The following MSANTD2 variants were observed in gnomAD, a reference collection of about 807,000 sequenced individuals.
MSANTD2 encodes Myb/SANT DNA binding domain containing 2.
MSANTD2 carries 19 observed loss-of-function variants against 52.6 expected under a neutral mutation model. The observed-to-expected ratio is 0.36, with a 90% confidence interval of 0.25 to 0.53. The LOEUF (loss-of-function observed/expected upper bound fraction) is 0.53, where lower values mean the gene tolerates loss of function less well. Ranked by LOEUF, MSANTD2 falls within the 20% of genes least tolerant of loss-of-function variation. The probability of loss-of-function intolerance (pLI) is 0.91; values close to 1 mark genes in which losing one functional copy is unlikely to be tolerated. For synonymous variants in MSANTD2, 291 were observed against 289.7 expected, an observed-to-expected ratio of 1.00 and a Z score of -0.04; for missense variants, 558 against 716.3, an observed-to-expected ratio of 0.78 and a Z score of 2.52.
intron 1 of MSANTD2, among the ~76,000 whole-genome samples, chr11:124,786,076 T>C (rs1414249354): frequency 6.6e-6 from 1 of 150,660 alleles, no homozygotes; most frequent in Non-Finnish European, 1.5e-5. Flanking sequence ...TTACTGCTAT[T>C]TGCCCTGCAT....
At chr11:124,795,901 T>C (rs779874627) in intron 1 of MSANTD2, among the ~76,000 whole-genome samples, 12 of 152,186 alleles carry the variant, frequency 7.9e-5, no homozygotes, top group Admixed American at 1.3e-4. Context: ...AATTTTCTTC[T>C]GGCAAACAAA....
chr11:124,780,911 G>A (rs546241463), intron 1 of MSANTD2, among the ~76,000 whole-genome samples: 8 of 152,306 alleles, frequency 5.3e-5, no homozygotes, highest in South Asian at 2.1e-4. Flanking sequence ...GGCCGGGTGC[G>A]GTGGCTCATG....
intron 1 of MSANTD2, among the ~76,000 whole-genome samples, chr11:124,796,023 A>G (rs1055400351): frequency 2.6e-5 from 4 of 152,248 alleles, no homozygotes; most frequent in Non-Finnish European, 5.9e-5. Flanking sequence ...AGACATCAAA[A>G]TCAAACTTTG....
rs1029760332 is a variant in MSANTD2 at position 124,800,135 on chromosome 11, G to C, written c.246C>G (p.Phe82Leu). The C allele has an allele frequency of 4.0e-6, 6 of 1,481,644 alleles. No homozygotes were observed. The African/African-American group carries it at 7.4e-5, about 18-fold the overall frequency. 91.8% of individuals were successfully genotyped at this position (1,481,644 alleles called of 1,614,324 possible). Residue 82 changes from phenylalanine (F) to leucine (L), a missense_variant, in exon 1 of 4, where the codon TTC becomes TTG. Phe to Leu is a conservative substitution (Grantham distance 22). This residue lies in a region of MSANTD2 where 150 missense variants were observed against 142.7 expected (regional missense o/e 1.05). Transcript: ENST00000374979. The surrounding 1 kb of genome is among the most constrained non-coding windows in gnomAD (Gnocchi z 4.3). Reference protein sequence around the residue: ...GRSAASSSVSFSPGGGGGGAA... With the variant: ...GRSAASSSVSLSPGGGGGGAA... ...CCCCGCCACCGCCGCCACCAGGGGAGAAGGAGACCGAGGACGAGGCGGCGC... is the reference window on the plus strand; with the variant it reads ...CCCCGCCACCGCCGCCACCAGGGGACAAGGAGACCGAGGACGAGGCGGCGC...
intron 1 of MSANTD2, among the ~76,000 whole-genome samples, chr11:124,794,403 A>G (rs1945427742): frequency 1.3e-5 from 2 of 152,356 alleles, no homozygotes; most frequent in Non-Finnish European, 2.9e-5. Context: ...ATACACATCA[A>G]GCATCTGTCA....
At chr11:124,770,448 C>G (rs1284929610) in intron 3 of MSANTD2, among the ~76,000 whole-genome samples, 1 of 151,950 alleles carries the variant, frequency 6.6e-6, no homozygotes, top group Non-Finnish European at 1.5e-5. Flanking sequence ...CAGGCATATG[C>G]CACTATACCC....
chr11:124,788,081 CAA>C (rs113281012), intron 1 of MSANTD2, among the ~76,000 whole-genome samples: 61 of 107,478 alleles, frequency 5.7e-4, no homozygotes, highest in African/African-American at 1.0e-3. Flanking sequence ...GACCCTGTCT[CAA>C]AAAAAAAAAA....
At chr11:124,775,846 C>A (rs963535612) in intron 1 of MSANTD2, 2 of 152,182 alleles carry the variant, frequency 1.3e-5, no homozygotes, top group African/African-American at 4.8e-5. Context: ...TTCTCTTGTA[C>A]AACCCTTCCA....
At chr11:124,768,074 C>G (rs761247960) in intron 3 of MSANTD2, 46 bp from the exon 4 acceptor site, 17 of 1,541,466 alleles carry the variant, frequency 1.1e-5, no homozygotes, top group Non-Finnish European at 1.4e-5. Flanking sequence ...TCTAGAACAG[C>G]GGTGTCAGAT....
chr11:124,786,443 AGT>A (rs1945165334), intron 1 of MSANTD2, among the ~76,000 whole-genome samples: 1 of 152,242 alleles, frequency 6.6e-6, no homozygotes, highest in Middle Eastern at 3.2e-3. Flanking sequence ...GGCATAAGGT[AGT>A]GAACATTCCA....
At chr11:124,777,608 C>T (rs2135243395) in intron 1 of MSANTD2, among the ~76,000 whole-genome samples, 1 of 152,302 alleles carries the variant, frequency 6.6e-6, no homozygotes, top group East Asian at 1.9e-4. Flanking sequence ...ACACATTTTA[C>T]AATTTATCAA....
At chr11:124,791,915 A>G in intron 1 of MSANTD2, 1 of 345,002 alleles carries the variant, frequency 2.9e-6, no homozygotes, top group South Asian at 2.5e-5. Context: ...AGTATATTAC[A>G]TGTAGTTCAG....
intron 1 of MSANTD2, chr11:124,783,771 A>T: frequency 1.0e-6 from 1 of 985,354 alleles, no homozygotes; most frequent in Non-Finnish European, 1.2e-6. Flanking sequence ...TCAGATTACT[A>T]AGAAAAAAAC....
At chr11:124,790,758 CTT>C (rs2135266177) in intron 1 of MSANTD2, 1 of 157,594 alleles carries the variant, frequency 6.3e-6, no homozygotes, top group African/African-American at 2.4e-5. Flanking sequence ...CACCTGACCT[CTT>C]GTTTAAGTCT....
chr11:124,781,368 TGTCTGATTAACTTATC>T (rs1283108740), intron 1 of MSANTD2, among the ~76,000 whole-genome samples: 1 of 152,030 alleles, frequency 6.6e-6, no homozygotes, highest in Non-Finnish European at 1.5e-5. Context: ...GATCACTTAT[TGTCTGATTAACTTATC>T]GATATAGATG....
At position 124,774,747 on chromosome 11, in the gene MSANTD2, G is replaced by A; in HGVS notation, c.738C>T (p.Leu246=). Residue 246 remains leucine (L), a synonymous_variant, in exon 2 of 4, where the codon CTC becomes CTT. Coordinates refer to ENST00000374979, the MANE Select transcript of MSANTD2 (RefSeq NM_001308027.2). The surrounding 1 kb of genome is among the most constrained non-coding windows in gnomAD (Gnocchi z 5.1). ...QEDWGNHSQD[L]HGYPTDQELD... Reference sequence around the variant, plus strand: ...ATTCCTGATCTGTTGGATAGCCATGGAGATCCTGACTGTGGTTTCCCCAGT... The same window carrying A: ...ATTCCTGATCTGTTGGATAGCCATGAAGATCCTGACTGTGGTTTCCCCAGT... The A allele has an allele frequency of 6.2e-7, 1 of 1,614,152 alleles. No homozygotes were observed. The highest frequency in any genetic ancestry group is 8.5e-7 in the Non-Finnish European group (1 of 1,180,026).
intron 1 of MSANTD2, among the ~76,000 whole-genome samples, chr11:124,794,122 T>TAG (rs1194980925): frequency 6.6e-6 from 1 of 152,174 alleles, no homozygotes; most frequent in Non-Finnish European, 1.5e-5. Flanking sequence ...CTGAGGTAGA[T>TAG]AGAGAATATT....
chr11:124,771,179 T>G (rs1367616068), intron 3 of MSANTD2, among the ~76,000 whole-genome samples: 1 of 152,204 alleles, frequency 6.6e-6, no homozygotes, highest in East Asian at 1.9e-4. Context: ...CAACTTACTT[T>G]TTACAACATT....
chr11:124,781,932 C>T lies in MSANTD2; in HGVS notation c.511-6958G>A, dbSNP rs140092146. ...CCTCCCAAAGTGCTGGGATTACAGG[C>T]GTGAGCCACCACGCCTGGCCAATGT... On this transcript the variant is annotated intron_variant, in intron 1 of 3. Transcript: ENST00000374979. Among the ~76,000 whole-genome samples, 27 of 152,284 alleles carry T rather than the reference C, an allele frequency of 1.8e-4. No homozygotes were observed. In the East Asian group the frequency reaches 3.9e-3, roughly 22 times the overall value.
Sources: allele counts gnomAD v4.1 joint callset (sites outside exome capture counted in the v4.1 genomes callset), GRCh38; gene constraint gnomAD v4.1.1; regional missense constraint gnomAD v4.1.1; non-coding constraint Gnocchi (gnomAD v3.1); transcripts MANE v1.5; gene names NCBI Gene and HGNC (gene_info 2026-07-23, HGNC 2026-07-21).